Variants in ADGRA3 observed in about 807,000 individuals in gnomAD.
ADGRA3 encodes adhesion G protein-coupled receptor A3.
In ADGRA3, 56 loss-of-function variants were observed where a neutral mutation model predicts 119.8. The ratio of observed to expected loss-of-function variants is 0.47; its 90% CI spans 0.38 to 0.58. ADGRA3 has a LOEUF of 0.58. ADGRA3 is among the 20% of genes least tolerant of loss of function. ADGRA3 has a pLI of 0.00. For synonymous variants in ADGRA3, 607 were observed against 623.8 expected, an observed-to-expected ratio of 0.97 and a Z score of 0.40; for missense variants, 1,516 against 1,649.0, an observed-to-expected ratio of 0.92 and a Z score of 1.40.
intron 1 of ADGRA3, chr4:22,478,028 A>G (rs1316730993): frequency 6.6e-6 from 1 of 152,230 alleles, no homozygotes. Context: ...AATGAAAAAT[A>G]TAAAACTTGA....
chr4:22,425,946 A>AC (rs1461716609), intron 10 of ADGRA3, among the ~76,000 whole-genome samples: 1 of 152,158 alleles, frequency 6.6e-6, no homozygotes, highest in Non-Finnish European at 1.5e-5. Flanking sequence ...TGAACACTTC[A>AC]CCTCTTGGTA....
At chr4:22,415,382 G>T (rs1715387210) in intron 12 of ADGRA3, among the ~76,000 whole-genome samples, 1 of 152,116 alleles carries the variant, frequency 6.6e-6, no homozygotes, top group African/African-American at 2.4e-5. Context: ...AATTGAAGAT[G>T]CCAAGAAAAT....
At chr4:22,482,913 T>A (rs578188339) in intron 1 of ADGRA3, among the ~76,000 whole-genome samples, 54 of 152,176 alleles carry the variant, frequency 3.5e-4, no homozygotes, top group African/African-American at 1.3e-3. Context: ...GCCACAGACG[T>A]CTAGAGGATC....
intron 14 of ADGRA3, 59 bp from the exon 15 acceptor site, chr4:22,402,858 G>A: frequency 6.5e-7 from 1 of 1,537,198 alleles, no homozygotes; most frequent in Non-Finnish European, 8.8e-7. Context: ...TAACTACTGA[G>A]ATTTTTTTGA....
chr4:22,485,827 A>T (rs371959251), intron 1 of ADGRA3, among the ~76,000 whole-genome samples: 2 of 152,322 alleles, frequency 1.3e-5, no homozygotes, highest in East Asian at 1.9e-4. Context: ...ATTATTTAAA[A>T]CTAAGCTAAA....
chr4:22,498,216 C>T (rs1718912063), intron 1 of ADGRA3, among the ~76,000 whole-genome samples: 1 of 151,020 alleles, frequency 6.6e-6, no homozygotes, highest in Non-Finnish European at 1.5e-5. Context: ...CATTGCACTA[C>T]AGCCTGGGCA....
At chr4:22,424,393 C>T (rs1715846866) in intron 10 of ADGRA3, 41 bp from the exon 11 acceptor site, 2 of 1,590,342 alleles carry the variant, frequency 1.3e-6, no homozygotes, top group East Asian at 4.5e-5. Context: ...TCTTTAAAAC[C>T]ACCATAAACT....
rs1470916626 is a variant in ADGRA3 at position 22,501,733 on chromosome 4, C to T, written c.257+13795G>A. Among the ~76,000 whole-genome samples, 6 of 144,964 alleles carry T rather than the reference C, an allele frequency of 4.1e-5. No individual in the cohort carries two copies. In the East Asian group the frequency reaches 1.2e-3, roughly 29 times the overall value. ...GCTCCACACAGTAACAGAACAATTCCAATGTAAAAAGTTTTATAATCACAA... is the reference window on the plus strand; with the variant it reads ...GCTCCACACAGTAACAGAACAATTCTAATGTAAAAAGTTTTATAATCACAA... On this transcript the variant is annotated intron_variant, in intron 1 of 18. Coordinates refer to ENST00000334304, the MANE Select transcript of ADGRA3 (RefSeq NM_145290.4).
chr4:22,515,491 G>A (rs547443431), intron 1 of ADGRA3, 37 bp downstream of exon 1: 5 of 1,590,036 alleles, frequency 3.1e-6, no homozygotes, highest in Admixed American at 1.7e-5. Flanking sequence ...AGAAAGAGCC[G>A]AGCGGGAGAG....
chr4:22,399,177 A>G (rs1340590268), intron 16 of ADGRA3, among the ~76,000 whole-genome samples: 3 of 152,184 alleles, frequency 2.0e-5, no homozygotes, highest in African/African-American at 7.2e-5. Flanking sequence ...CGACATGCTC[A>G]TCCATTCTCC....
chr4:22,427,869 C>T (rs1716004934), intron 10 of ADGRA3, among the ~76,000 whole-genome samples: 1 of 152,178 alleles, frequency 6.6e-6, no homozygotes, highest in Admixed American at 6.5e-5. Flanking sequence ...ACTCCTCCAC[C>T]TGTTCTTGCA....
intron 3 of ADGRA3, among the ~76,000 whole-genome samples, chr4:22,460,419 A>G (rs1419575965): frequency 6.6e-6 from 1 of 152,098 alleles, no homozygotes; most frequent in Admixed American, 6.5e-5. Context: ...TCCCCTCTCC[A>G]CCAGAAAGGA....
At chr4:22,455,819 G>A in intron 3 of ADGRA3, 1 of 1,287,898 alleles carries the variant, frequency 7.8e-7, no homozygotes, top group Non-Finnish European at 1.0e-6. Context: ...ACCTGGCATG[G>A]CATGACTCGC....
chr4:22,392,725 A>T (rs758703091), intron 16 of ADGRA3, 35 bp from the exon 17 acceptor site: 1 of 1,583,488 alleles, frequency 6.3e-7, no homozygotes, highest in South Asian at 1.2e-5. Context: ...TAAAAGAAAA[A>T]AAATGTTCCT....
At position 22,421,039 on chromosome 4, in the gene ADGRA3, GA is replaced by G; in HGVS notation, c.1655del (p.Phe552SerfsTer4). On this transcript the variant is annotated frameshift_variant, in exon 12 of 19. Coordinates refer to ENST00000334304, the MANE Select transcript of ADGRA3 (RefSeq NM_145290.4). LOFTEE classifies it high-confidence loss of function. ...LEAYVIKSTG[F>X]TGMTCTVFQK... ...GGAACACGGTACAGGTCATCCCCGT[GA>G]AGCCAGTAGACTTGATGACATAAGC... is the stretch of plus-strand genomic sequence containing the variant. 6.2e-7 allele frequency: 1 copy of G among 1,614,022 alleles called. No individual in the cohort carries two copies. The highest frequency in any genetic ancestry group is 8.5e-7 in the Non-Finnish European group (1 of 1,179,938).
intron 1 of ADGRA3, among the ~76,000 whole-genome samples, chr4:22,498,609 A>G (rs964502269): frequency 3.3e-5 from 5 of 151,404 alleles, no homozygotes; most frequent in Admixed American, 2.6e-4. Flanking sequence ...TGAGCCACAC[A>G]CCGTCCCAAA....
At chr4:22,424,438 A>T in intron 10 of ADGRA3, 86 bp from the exon 11 acceptor site, 1 of 1,439,532 alleles carries the variant, frequency 6.9e-7, no homozygotes. Context: ...GGACAGTGAG[A>T]TTGGCCTTCA....
At chr4:22,425,319 T>C (rs1430349882) in intron 10 of ADGRA3, among the ~76,000 whole-genome samples, 1 of 152,184 alleles carries the variant, frequency 6.6e-6, no homozygotes, top group Non-Finnish European at 1.5e-5. Context: ...CACTGTTTGT[T>C]TTACTTGTTT....
chr4:22,433,743 C>T (rs1716277464), intron 10 of ADGRA3, among the ~76,000 whole-genome samples: 1 of 152,150 alleles, frequency 6.6e-6, no homozygotes, highest in Admixed American at 6.6e-5. Flanking sequence ...CATCCCACTC[C>T]CGGAAATGAC....
Sources: gnomAD v4.1 joint callset for allele counts (sites outside exome capture counted in the v4.1 genomes callset) on GRCh38, gnomAD v4.1.1 for gene constraint, MANE v1.5 for transcripts, NCBI Gene and HGNC (gene_info 2026-07-23, HGNC 2026-07-21) for gene names.